CPEB3: variants seen among roughly 807,000 people sequenced by gnomAD.
The protein encoded by CPEB3 is cytoplasmic polyadenylation element binding protein 3.
CPEB3 carries 20 observed loss-of-function variants against 67.2 expected under a neutral mutation model. The observed-to-expected ratio is 0.30, with a 90% CI of 0.21 to 0.43. The LOEUF is 0.43. Among genes scored for constraint, CPEB3 ranks in the 20% least tolerant of loss-of-function variants. The pLI is 1.00. For missense variants in CPEB3, 746 were observed against 968.6 expected (o/e 0.77, Z 3.05); for synonymous variants, 376 against 393.1 (o/e 0.96, Z 0.51).
At chr10:92,073,503 G>A (rs1343528322) in intron 9 of CPEB3, among the ~76,000 whole-genome samples, 1 of 152,030 alleles carries the variant, frequency 6.6e-6, no homozygotes, top group African/African-American at 2.4e-5. Context: ...CAGTGGTGCA[G>A]TCATAGCTCA....
intron 4 of CPEB3, among the ~76,000 whole-genome samples, chr10:92,170,529 T>C (rs1847951599): frequency 6.6e-6 from 1 of 152,314 alleles, no homozygotes; most frequent in Non-Finnish European, 1.5e-5. Flanking sequence ...ACTTGTGACC[T>C]GACAGCATTC....
At chr10:92,107,567 T>C (rs892406985) in intron 7 of CPEB3, among the ~76,000 whole-genome samples, 3 of 152,192 alleles carry the variant, frequency 2.0e-5, no homozygotes, top group Non-Finnish European at 4.4e-5. Context: ...GTTCAATCTA[T>C]TAATATAGTC....
intron 4 of CPEB3, among the ~76,000 whole-genome samples, chr10:92,169,628 T>G (rs1449467697): frequency 6.6e-6 from 1 of 152,200 alleles, no homozygotes; most frequent in Non-Finnish European, 1.5e-5. Context: ...TGGCATTCCA[T>G]AGAACACAAC....
chr10:92,207,180 G>A (rs1238398662), intron 2 of CPEB3, among the ~76,000 whole-genome samples: 1 of 152,006 alleles, frequency 6.6e-6, no homozygotes, highest in African/African-American at 2.4e-5. Context: ...ACAGGGTTTT[G>A]CCATGTTGCT....
At chr10:92,131,733 G>A (rs1845850712) in intron 6 of CPEB3, among the ~76,000 whole-genome samples, 1 of 152,112 alleles carries the variant, frequency 6.6e-6, no homozygotes, top group African/African-American at 2.4e-5. Context: ...ATGTCTCAAA[G>A]CAAAATGAGC....
chr10:92,252,618 A>C (rs1040349350), intron 1 of CPEB3, among the ~76,000 whole-genome samples: 2 of 152,060 alleles, frequency 1.3e-5, no homozygotes. Flanking sequence ...ATAGATGCCA[A>C]CTTTTTTTTT....
intron 4 of CPEB3, among the ~76,000 whole-genome samples, chr10:92,158,222 T>C (rs1029777673): frequency 2.0e-5 from 3 of 152,204 alleles, no homozygotes; most frequent in African/African-American, 7.2e-5. Context: ...GCAGACACTA[T>C]ATTTTTTTAA....
chr10:92,209,386 G>A (rs561917159), intron 2 of CPEB3, among the ~76,000 whole-genome samples: 88 of 152,276 alleles, frequency 5.8e-4, no homozygotes, highest in South Asian at 1.5e-3. Flanking sequence ...TTAGCTGGGC[G>A]TGGTGGCACA....
Position 92,194,302 on chromosome 10 carries a change from T to C in CPEB3, c.1006-1666A>G, listed in dbSNP as rs554671918. ...CGAAAATACAAAAATTAGCTGGGCA[T>C]GCTGGTGCGTGCCTGTAATCCCAGC... On this transcript the variant is annotated intron_variant, in intron 2 of 9. Coordinates refer to ENST00000265997, the MANE Select transcript of CPEB3 (RefSeq NM_014912.5). 2.2e-4 allele frequency among the ~76,000 whole-genome samples: 33 copies of C among 151,966 alleles called. No homozygotes were observed. The South Asian group carries it at 6.9e-3, about 32-fold the overall frequency.
At chr10:92,090,143 T>G (rs1298697992) in intron 8 of CPEB3, among the ~76,000 whole-genome samples, 1 of 152,186 alleles carries the variant, frequency 6.6e-6, no homozygotes, top group Non-Finnish European at 1.5e-5. Flanking sequence ...TAGATAGACA[T>G]AAGAAGTTAC....
chr10:92,186,013 G>A (rs1590332871), intron 3 of CPEB3, among the ~76,000 whole-genome samples: 1 of 151,934 alleles, frequency 6.6e-6, no homozygotes, highest in East Asian at 1.9e-4. Context: ...TTTTTGGCAA[G>A]TTGTTAAATA....
At chr10:92,246,315 C>T (rs1483604652) in intron 1 of CPEB3, among the ~76,000 whole-genome samples, 1 of 146,442 alleles carries the variant, frequency 6.8e-6, no homozygotes, top group Non-Finnish European at 1.5e-5. Context: ...GCCTGGGAGA[C>T]AGAGCGAGAC....
At chr10:92,065,015 G>T (rs1211640064) in intron 9 of CPEB3, among the ~76,000 whole-genome samples, 1 of 152,166 alleles carries the variant, frequency 6.6e-6, no homozygotes, top group Non-Finnish European at 1.5e-5. Flanking sequence ...AGAGAAGTGA[G>T]AAATCAACTG....
intron 2 of CPEB3, among the ~76,000 whole-genome samples, chr10:92,199,434 T>C (rs961152812): frequency 2.0e-5 from 3 of 146,808 alleles, no homozygotes; most frequent in Non-Finnish European, 3.0e-5. Flanking sequence ...GGCTCATGCC[T>C]ATAATCCCAG....
chr10:92,052,353 G>A lies in CPEB3; in HGVS notation c.1956C>T (p.Phe652=). Residue 652 remains phenylalanine, a synonymous_variant, in exon 10 of 10, where the codon TTC becomes TTT. Transcript: ENST00000265997. ...ACTGCAGACAGGTGACGTTGGCACA[G>A]AAGAACGGGGCAAACTTCCCACCAC... is the stretch of plus-strand genomic sequence containing the variant. ...TRCGGKFAPF[F]CANVTCLQYY... 1 of 1,614,246 alleles carries A rather than the reference G, an allele frequency of 6.2e-7. No individual in the cohort carries two copies. Among genetic ancestry groups the A allele is most frequent in the Non-Finnish European group, 8.5e-7 (1 of 1,180,052 alleles).
In CPEB3 at chr10:92,240,269, G is replaced by C; in HGVS notation, c.82C>G (p.Pro28Ala). ...GGGGCTTCGGATACGCTGGACTCAG[G>C]TTGGGGCTGCTGCTGCTGCCGCTGC... is the stretch of plus-strand genomic sequence containing the variant. ...QQQRQQQQPQPESSVSEAPST... is the reference protein window; with the variant it reads ...QQQRQQQQPQAESSVSEAPST... The change falls in exon 2 of 10, where the codon CCT becomes GCT. Residue 28 changes from proline to alanine, a missense_variant. Pro to Ala is a conservative substitution (Grantham distance 27, BLOSUM62 -1). Coordinates refer to ENST00000265997, the MANE Select transcript of CPEB3 (RefSeq NM_014912.5). 6.6e-7 allele frequency: 1 copy of C among 1,518,912 alleles called. No individual in the cohort carries two copies. Among genetic ancestry groups the C allele is most frequent in the East Asian group, 2.5e-5 (1 of 40,662 alleles). 94.1% of individuals were successfully genotyped at this position (1,518,912 alleles called of 1,614,324 possible).
chr10:92,132,841 T>G (rs1420723112), intron 6 of CPEB3, among the ~76,000 whole-genome samples: 1 of 151,984 alleles, frequency 6.6e-6, no homozygotes, highest in Admixed American at 6.6e-5. Flanking sequence ...TGCAATCAAA[T>G]TAGAACTCAG....
In CPEB3 at chr10:92,081,321, C is replaced by T. The variant is rs1188320661; in HGVS notation, c.1868G>A (p.Arg623Gln). ...GTTTCACCCTAAGTAGGTGCTTACCCGTTTGTCAATGTCATTGTGCTGAAG... is the reference window on the plus strand; with the variant it reads ...GTTTCACCCTAAGTAGGTGCTTACCTGTTTGTCAATGTCATTGTGCTGAAG... ...VQLQHNDIDK[R>Q]VEVKPYVLDD... The change falls in exon 9 of 10, where the codon CGG becomes CAG. Residue 623 changes from arginine (R) to glutamine (Q), a missense_variant and splice_region_variant. Arg to Gln is a conservative substitution (Grantham distance 43). Around this residue, in one of 2 missense-constraint regions of CPEB3, gnomAD observed 103 missense variants for 251.1 expected, o/e 0.41. Coordinates refer to ENST00000265997, the MANE Select transcript of CPEB3 (RefSeq NM_014912.5). The T allele has an allele frequency of 2.5e-6, 4 of 1,614,138 alleles. No individual in the cohort carries two copies. Among genetic ancestry groups the T allele is most frequent in the Admixed American group, 1.7e-5 (1 of 60,012 alleles).
intron 1 of CPEB3, among the ~76,000 whole-genome samples, chr10:92,288,642 C>G (rs1842651651): frequency 6.6e-6 from 1 of 152,118 alleles, no homozygotes; most frequent in Non-Finnish European, 1.5e-5. Context: ...AGCCAGAAAG[C>G]TGATTTTTCA....
Sources: allele counts gnomAD v4.1 joint callset (sites outside exome capture counted in the v4.1 genomes callset), GRCh38; gene constraint gnomAD v4.1.1; regional missense constraint gnomAD v4.1.1; transcripts MANE v1.5; gene names NCBI Gene and HGNC (gene_info 2026-07-23, HGNC 2026-07-21).